Variants in MAPT observed in about 807,000 individuals in gnomAD.
MAPT encodes the protein microtubule associated protein tau.
A neutral mutation model predicts 67.9 loss-of-function variants in MAPT; 34 were observed. The observed-to-expected ratio is 0.50, with a 90% CI of 0.38 to 0.67. The LOEUF (loss-of-function observed/expected upper bound fraction) is 0.67, where lower values mean the gene tolerates loss of function less well. Among genes scored for constraint, MAPT ranks in the 30% least tolerant of loss-of-function variants. The probability of loss-of-function intolerance (pLI) is 0.00; values close to 1 mark genes in which losing one functional copy is unlikely to be tolerated. For missense variants in MAPT, 881 were observed against 1,115.2 expected, an observed-to-expected ratio of 0.79 and a Z score of 2.99; for synonymous variants, 456 against 464.5, an observed-to-expected ratio of 0.98 and a Z score of 0.23.
At chr17:45,929,801 C>T (rs1349718123) in intron 1 of MAPT, among the ~76,000 whole-genome samples, 1 of 152,186 alleles carries the variant, frequency 6.6e-6, no homozygotes, top group Non-Finnish European at 1.5e-5. Context: ...ATTTATTCTT[C>T]ATTACCCACA....
At chr17:45,947,224 G>A (rs889139508) in intron 1 of MAPT, among the ~76,000 whole-genome samples, 2 of 151,984 alleles carry the variant, frequency 1.3e-5, no homozygotes, top group African/African-American at 2.4e-5. Context: ...GCCACTTGTG[G>A]TGGGCAGGAG....
intron 10 of MAPT, among the ~76,000 whole-genome samples, chr17:46,011,543 C>A (rs1342602333): frequency 6.6e-6 from 1 of 152,210 alleles, no homozygotes; most frequent in Non-Finnish European, 1.5e-5. Context: ...TAAGCTGAGG[C>A]TTCATCATCC....
chr17:45,997,497 C>A (rs1346892052), intron 9 of MAPT, among the ~76,000 whole-genome samples: 6 of 152,196 alleles, frequency 3.9e-5, no homozygotes, highest in African/African-American at 1.4e-4. Context: ...TAGTGGCTCA[C>A]GCCTATAATC....
Position 46,024,235 on chromosome 17 carries a change from G to T in MAPT, c.*64G>T, listed in dbSNP as rs919086846. The stretch of plus-strand genomic sequence containing the variant: ...GAATGAGAGAGTGTGGAAAAAAAAA[G>T]AATAATGACCCGGCCCCCGCCCTCT... On this transcript the variant is annotated 3_prime_UTR_variant, in exon 13 of 13. Coordinates refer to ENST00000262410, the MANE Select transcript of MAPT (RefSeq NM_001377265.1). 6.9e-6 allele frequency: 10 copies of T among 1,442,116 alleles called. No homozygotes were observed. The African/African-American group carries it at 9.8e-5, about 14-fold the overall frequency. 89.3% of individuals were successfully genotyped at this position (1,442,116 alleles called of 1,614,324 possible).
intron 2 of MAPT, among the ~76,000 whole-genome samples, chr17:45,970,984 T>C (rs62063300): frequency 0.14 from 22,012 of 152,236 alleles, 2,143 homozygotes; most frequent in Non-Finnish European, 0.22. Flanking sequence ...CTCTCAAGAA[T>C]TCTCAACCTT....
At chr17:46,009,210 AAAAC>A (rs2075655600) in intron 9 of MAPT, among the ~76,000 whole-genome samples, 1 of 152,108 alleles carries the variant, frequency 6.6e-6, no homozygotes, top group Non-Finnish European at 1.5e-5. Flanking sequence ...ACAAAGAAAA[AAAAC>A]AAAACAAAAA....
rs752664972 is a variant in MAPT, at chr17:45,990,084, AC to A, written c.1605+11del. On this transcript the variant is annotated intron_variant, in intron 7 of 12. Transcript: ENST00000262410. ...AGGAGATGAAACTCAAGGTAAGGAA[AC>A]CACCTTTGAAAAGAACCAGGCTGCT... 13 of 1,613,586 alleles carry A rather than the reference AC, an allele frequency of 8.1e-6. No homozygotes were observed. The highest frequency in any genetic ancestry group is 1.7e-5 in the Admixed American group (1 of 60,002).
Position 45,983,492 on chromosome 17 carries a change from C to A in MAPT, c.913C>A (p.Gln305Lys). ...EDRDVDESSP[Q>K]DSPPSKASPA... ...CCGCGACGTCGATGAGTCCTCCCCC[C>A]AAGACTCCCCTCCCTCCAAGGCCTC... is the stretch of plus-strand genomic sequence containing the variant. The change falls in exon 5 of 13, where the codon CAA (glutamine) becomes AAA (lysine). Residue 305 changes from glutamine (Q) to lysine (K), a missense_variant. Around this residue, in one of 6 missense-constraint regions of MAPT, gnomAD observed 687 missense variants for 766.1 expected, o/e 0.90. Coordinates refer to ENST00000262410, the MANE Select transcript of MAPT (RefSeq NM_001377265.1). The A allele has an allele frequency of 6.2e-7, 1 of 1,611,872 alleles. No homozygotes were observed. The highest frequency in any genetic ancestry group is 8.5e-7 in the Non-Finnish European group (1 of 1,179,236).
chr17:46,000,059 A>T (rs1242801903), intron 9 of MAPT, among the ~76,000 whole-genome samples: 1 of 152,172 alleles, frequency 6.6e-6, no homozygotes, highest in Non-Finnish European at 1.5e-5. Context: ...GGCCTCATGT[A>T]GTACCCAGTA....
intron 1 of MAPT, among the ~76,000 whole-genome samples, chr17:45,903,937 T>A (rs1173147244): frequency 3.9e-5 from 1 of 25,656 alleles, no homozygotes; most frequent in South Asian, 8.3e-4. Flanking sequence ...ATTATATATT[T>A]ATATATAATA....
intron 1 of MAPT, among the ~76,000 whole-genome samples, chr17:45,939,128 A>C (rs1001021547): frequency 6.6e-6 from 1 of 151,734 alleles, no homozygotes. Flanking sequence ...CTAATTTTTA[A>C]ATATTTTTTT....
At chr17:45,910,442 G>C (rs1194296429) in intron 1 of MAPT, among the ~76,000 whole-genome samples, 1 of 152,028 alleles carries the variant, frequency 6.6e-6, no homozygotes, top group East Asian at 1.9e-4. Context: ...TTATGCCTGG[G>C]CTTCTGCTCC....
At chr17:45,962,612 G>A in intron 2 of MAPT, 142 bp downstream of exon 2, 1 of 1,179,186 alleles carries the variant, frequency 8.5e-7, no homozygotes, top group South Asian at 1.3e-5. Context: ...ATTAATTTGA[G>A]TGGGCCAAGA....
chr17:46,002,313 C>T (rs2075064623), intron 9 of MAPT, among the ~76,000 whole-genome samples: 2 of 152,086 alleles, frequency 1.3e-5, no homozygotes, highest in Admixed American at 1.3e-4. Context: ...GGCCCAGCCT[C>T]AGCAGCCCTT....
At chr17:45,969,376 C>T (rs2071406504) in intron 2 of MAPT, 1 of 152,678 alleles carries the variant, frequency 6.5e-6, no homozygotes, top group Non-Finnish European at 1.5e-5. Flanking sequence ...TCCACCCATC[C>T]ATCCACCCAT....
At chr17:46,012,479 C>T (rs1185720236) in intron 10 of MAPT, among the ~76,000 whole-genome samples, 1 of 152,116 alleles carries the variant, frequency 6.6e-6, no homozygotes, top group Non-Finnish European at 1.5e-5. Context: ...CACAGGAAGC[C>T]CTTCTCCTGG....
At position 45,983,417 on chromosome 17, in the gene MAPT, G is replaced by C. The variant is rs556178454; in HGVS notation, c.838G>C (p.Gly280Arg). 2 of 1,606,638 alleles carry C rather than the reference G, an allele frequency of 1.2e-6. No homozygotes were observed. The highest frequency in any genetic ancestry group is 2.7e-5 in the African/African-American group (2 of 74,854). The change falls in exon 5 of 13, where the codon GGG becomes CGG. Residue 280 changes from glycine (G) to arginine (R), a missense_variant. Physicochemically the swap from Gly to Arg is moderately radical, Grantham distance 125. Coordinates refer to ENST00000262410, the MANE Select transcript of MAPT (RefSeq NM_001377265.1). ...DLHQEGPPLK[G>R]AGGKERPGSK... ...GCACCAGGAGGGGCCGCCGCTGAAG[G>C]GGGCAGGGGGCAAAGAGAGGCCGGG...
chr17:45,906,910 C>T lies in MAPT; in HGVS notation c.-18+12224C>T, dbSNP rs976109748. Among the ~76,000 whole-genome samples the T allele has an allele frequency of 3.9e-5, 6 of 152,146 alleles. No individual in the cohort carries two copies. The highest frequency in any genetic ancestry group is 1.3e-4 in the Admixed American group (2 of 15,276). ...CTGTTTCCAGTCACACTCTCACCAG[C>T]GATAAAATGATTTTAGACCTTATCA... On this transcript the variant is annotated intron_variant, in intron 1 of 12. Coordinates refer to ENST00000262410, the MANE Select transcript of MAPT (RefSeq NM_001377265.1). The surrounding 1 kb of genome is among the most constrained non-coding windows in gnomAD (Gnocchi z 4.3).
At chr17:45,904,317 A>G (rs1429193334) in intron 1 of MAPT, among the ~76,000 whole-genome samples, 6 of 62,232 alleles carry the variant, frequency 9.6e-5, no homozygotes, top group Non-Finnish European at 1.2e-4. Context: ...ATAAAAACAT[A>G]TATAATATAT....
Sources: allele counts gnomAD v4.1 joint callset (sites outside exome capture counted in the v4.1 genomes callset), GRCh38; gene constraint gnomAD v4.1.1; regional missense constraint gnomAD v4.1.1; non-coding constraint Gnocchi (gnomAD v3.1); transcripts MANE v1.5; gene names NCBI Gene and HGNC (gene_info 2026-07-23, HGNC 2026-07-21).